CNIH2: variants seen among roughly 807,000 people sequenced by gnomAD.
CNIH2 encodes the protein protein cornichon homolog 2.
CNIH2 carries 8 observed loss-of-function variants against 22.9 expected under a neutral mutation model. That is an observed-to-expected ratio of 0.35 (90% CI 0.20 to 0.63). The LOEUF (loss-of-function observed/expected upper bound fraction) is 0.63, where lower values mean the gene tolerates loss of function less well. Ranked by LOEUF, CNIH2 falls within the 30% of genes least tolerant of loss-of-function variation. The pLI is 0.72. For synonymous variants in CNIH2, 74 were observed against 78.2 expected (o/e 0.95, Z 0.28); for missense variants, 105 against 206.2 (o/e 0.51, Z 3.01).
intron 1 of CNIH2, chr11:66,281,332 T>C (rs562910342): frequency 3.7e-5 from 17 of 454,956 alleles, no homozygotes; most frequent in African/African-American, 3.4e-4. Flanking sequence ...AGCTTCCTCA[T>C]CTGCAAAACA....
At chr11:66,282,623 G>T (rs958829932) in intron 2 of CNIH2, 110 bp from the exon 3 acceptor site, 107 of 1,327,716 alleles carry the variant, frequency 8.1e-5, no homozygotes, top group Non-Finnish European at 1.1e-4. Flanking sequence ...TGCCGACAGT[G>T]CCGCAGAGAT....
chr11:66,283,673 G>A lies in CNIH2; in HGVS notation c.*76G>A, dbSNP rs1857299962. The A allele has an allele frequency of 2.0e-6, 3 of 1,514,368 alleles. No homozygotes were observed. In the South Asian group the frequency reaches 3.6e-5, roughly 18 times the overall value. 93.8% of individuals were successfully genotyped at this position (1,514,368 alleles called of 1,614,324 possible). On this transcript the variant is annotated 3_prime_UTR_variant, in exon 6 of 6. Coordinates refer to ENST00000311445, the MANE Select transcript of CNIH2 (RefSeq NM_182553.3). The stretch of plus-strand genomic sequence containing the variant: ...CCCCCAGCCCTGCCCCTTGGCCGCA[G>A]AGGCCTCAGCCCTGGGGAGGGAGGG...
chr11:66,278,686 C>G (rs1374275462), intron 1 of CNIH2, 149 bp downstream of exon 1: 20 of 429,358 alleles, frequency 4.7e-5, no homozygotes, highest in Non-Finnish European at 6.7e-5. Context: ...CCATTAACAC[C>G]CCCCGTGGTC....
At chr11:66,279,243 C>T (rs927203926) in intron 1 of CNIH2, among the ~76,000 whole-genome samples, 8 of 151,988 alleles carry the variant, frequency 5.3e-5, no homozygotes, top group Non-Finnish European at 1.2e-4. Flanking sequence ...TCGCCCTGGC[C>T]TAGCCTCACA....
At chr11:66,282,906 G>GC in intron 3 of CNIH2, 126 bp downstream of exon 3, 1 of 1,380,468 alleles carries the variant, frequency 7.2e-7, no homozygotes, top group African/African-American at 1.4e-5. Flanking sequence ...GGAGTGGGAA[G>GC]CCAGAGGCCT....
intron 3 of CNIH2, 120 bp downstream of exon 3, chr11:66,282,900 T>C: frequency 7.8e-6 from 11 of 1,407,912 alleles, no homozygotes; most frequent in Non-Finnish European, 9.9e-6. Flanking sequence ...TGGGAGGGAG[T>C]GGGAAGCCAG....
chr11:66,278,458 TG>T lies in CNIH2; in HGVS notation c.4del (p.Ala2?). 7.2e-7 allele frequency: 1 copy of T among 1,380,552 alleles called. No individual in the cohort carries two copies. The highest frequency in any genetic ancestry group is 1.6e-5 in the South Asian group (1 of 63,964). 85.5% of individuals were successfully genotyped at this position (1,380,552 alleles called of 1,614,324 possible). A position where few individuals can be genotyped will look rare whatever the true frequency, so the allele number is the denominator to read the frequency against. On this transcript the variant is annotated frameshift_variant and start_lost, in exon 1 of 6. Coordinates refer to ENST00000311445, the MANE Select transcript of CNIH2 (RefSeq NM_182553.3). LOFTEE classifies it high-confidence loss of function. [M>X]AFTFAAFCYM... ...GGGCCGCCGCCCGGCGCGGGGGCCA[TG>T]GCGTTCACCTTCGCCGCGTTCTGCT...
At chr11:66,282,578 G>A in intron 2 of CNIH2, 155 bp from the exon 3 acceptor site, 1 of 933,192 alleles carries the variant, frequency 1.1e-6, no homozygotes, top group Non-Finnish European at 1.6e-6. Flanking sequence ...CATGGTGACG[G>A]TCGCCATGGG....
rs369236765 is a variant in CNIH2, at chr11:66,282,594, C to T, written c.151-139C>T. Reference sequence around the variant, plus strand: ...ATGGTGACGGTCGCCATGGGGACGGCGCGGCTGCTTCCCGGCCGTGCCGAC... The same window carrying T: ...ATGGTGACGGTCGCCATGGGGACGGTGCGGCTGCTTCCCGGCCGTGCCGAC... On this transcript the variant is annotated intron_variant, in intron 2 of 5. Transcript: ENST00000311445. 15 of 1,046,184 alleles carry T rather than the reference C, an allele frequency of 1.4e-5. 1 individual carries two copies. In the East Asian group the frequency reaches 2.3e-4, roughly 16 times the overall value. 64.8% of individuals were successfully genotyped at this position (1,046,184 alleles called of 1,614,324 possible).
intron 3 of CNIH2, 72 bp from the exon 4 acceptor site, chr11:66,282,963 C>A: frequency 6.9e-7 from 1 of 1,443,446 alleles, no homozygotes; most frequent in East Asian, 2.3e-5. Flanking sequence ...CAAACCCCAG[C>A]TCCTCTCTGT....
In CNIH2 at chr11:66,281,288, C is replaced by T. The variant is rs185326782; in HGVS notation, c.82-971C>T. On this transcript the variant is annotated intron_variant, in intron 1 of 5. Transcript: ENST00000311445. ...ACTGGGTTAGAATCCACTAACCAGCCGTGTGGCCCTGGACAAGTCACTTAA... is the reference window on the plus strand; with the variant it reads ...ACTGGGTTAGAATCCACTAACCAGCTGTGTGGCCCTGGACAAGTCACTTAA... 1.7e-3 allele frequency: 733 copies of T among 435,068 alleles called. 5 individuals are homozygous for T. Among genetic ancestry groups the T allele is most frequent in the African/African-American group, 0.013 (659 of 49,876 alleles). The allele number at this position is 435,068 out of a possible 1,614,324, so 27.0% of individuals were successfully genotyped here. A position where few individuals can be genotyped will look rare whatever the true frequency, so the allele number is the denominator to read the frequency against.
At position 66,284,033 on chromosome 11, in the gene CNIH2, C is replaced by T. The variant is rs1383080459; in HGVS notation, c.*436C>T. The T allele has an allele frequency of 4.9e-6, 1 of 204,834 alleles. No individual in the cohort carries two copies. Among genetic ancestry groups the T allele is most frequent in the Non-Finnish European group, 1.0e-5 (1 of 98,724 alleles). 12.7% of individuals were successfully genotyped at this position (204,834 alleles called of 1,614,324 possible). A position where few individuals can be genotyped will look rare whatever the true frequency, so the allele number is the denominator to read the frequency against. On this transcript the variant is annotated 3_prime_UTR_variant, in exon 6 of 6. Coordinates refer to ENST00000311445, the MANE Select transcript of CNIH2 (RefSeq NM_182553.3). ...ATGAGCAGGCTCAGCAGGGGGGCAG[C>T]CCCACCCCTAGTCTGCCCTCCCCTC...
At position 66,282,291 on chromosome 11, in the gene CNIH2, C is replaced by G. The variant is rs779521652; in HGVS notation, c.114C>G (p.Phe38Leu). 1 of 1,613,808 alleles carries G rather than the reference C, an allele frequency of 6.2e-7. No homozygotes were observed. The highest frequency in any genetic ancestry group is 8.5e-7 in the Non-Finnish European group (1 of 1,180,004). The change falls in exon 2 of 6, where the codon TTC becomes TTG. Residue 38 changes from phenylalanine to leucine, a missense_variant. Coordinates refer to ENST00000311445, the MANE Select transcript of CNIH2 (RefSeq NM_182553.3). ...CCTTTGATGAGCTGCGGACCGACTT[C>G]AAGAACCCCATCGACCAGGGGAACC... Reference protein sequence around the residue: ...IIAFDELRTDFKNPIDQGNPA... With the variant: ...IIAFDELRTDLKNPIDQGNPA...
intron 2 of CNIH2, 58 bp downstream of exon 2, chr11:66,282,385 G>C (rs772696221): frequency 1.3e-5 from 20 of 1,525,006 alleles, no homozygotes; most frequent in African/African-American, 2.7e-5. Flanking sequence ...TCCATCTGTC[G>C]TGGGCTGGGG....
At chr11:66,280,925 A>T (rs1313778296) in intron 1 of CNIH2, among the ~76,000 whole-genome samples, 1 of 152,122 alleles carries the variant, frequency 6.6e-6, no homozygotes, top group Non-Finnish European at 1.5e-5. Flanking sequence ...CTCCTCTGCC[A>T]GCCCATTTCC....
rs1256000194 is a variant in CNIH2 at position 66,278,295 on chromosome 11, C to G, written c.-162C>G. The stretch of plus-strand genomic sequence containing the variant: ...CCCCCGAGCCCACCGGCCCGCGCCC[C>G]GCGCCCCCCACGGCCCCGCGGTCCC... On this transcript the variant is annotated 5_prime_UTR_variant, in exon 1 of 6. Coordinates refer to ENST00000311445, the MANE Select transcript of CNIH2 (RefSeq NM_182553.3). The G allele has an allele frequency of 6.6e-6, 1 of 151,606 alleles. No individual in the cohort carries two copies. Among genetic ancestry groups the G allele is most frequent in the African/African-American group, 2.4e-5 (1 of 40,956 alleles). 9.4% of individuals were successfully genotyped at this position (151,606 alleles called of 1,614,324 possible). A position where few individuals can be genotyped will look rare whatever the true frequency, so the allele number is the denominator to read the frequency against.
rs746081122 is a variant in CNIH2, at chr11:66,282,723, C to T, written c.151-10C>T. The T allele has an allele frequency of 6.2e-6, 10 of 1,613,564 alleles. No homozygotes were observed. Among genetic ancestry groups the T allele is most frequent in the African/African-American group, 1.3e-5 (1 of 74,936 alleles). ...GCCACCCCATCGCGGCCTTTTCCTT[C>T]CCCCAACAGCGCGAGCGTTTAAAAA... On this transcript the variant is annotated splice_polypyrimidine_tract_variant and intron_variant, in intron 2 of 5. Transcript: ENST00000311445.
Position 66,283,023 on chromosome 11 carries a change from T to G in CNIH2, c.199-12T>G, listed in dbSNP as rs776537588. Reference sequence around the variant, plus strand: ...GCACCAGGCCGCTGACCTCTCACCCTCACTCCCCCAGCTGGTGGTCCCAGA... The same window carrying G: ...GCACCAGGCCGCTGACCTCTCACCCGCACTCCCCCAGCTGGTGGTCCCAGA... On this transcript the variant is annotated splice_polypyrimidine_tract_variant and intron_variant, in intron 3 of 5. Transcript: ENST00000311445. 14 of 1,610,064 alleles carry G rather than the reference T, an allele frequency of 8.7e-6. No homozygotes were observed.
At position 66,283,681 on chromosome 11, in the gene CNIH2, A is replaced by G; in HGVS notation, c.*84A>G. 1 of 1,458,396 alleles carries G rather than the reference A, an allele frequency of 6.9e-7. No individual in the cohort carries two copies. The highest frequency in any genetic ancestry group is 9.3e-7 in the Non-Finnish European group (1 of 1,073,656). 90.3% of individuals were successfully genotyped at this position (1,458,396 alleles called of 1,614,324 possible). On this transcript the variant is annotated 3_prime_UTR_variant, in exon 6 of 6. Coordinates refer to ENST00000311445, the MANE Select transcript of CNIH2 (RefSeq NM_182553.3). The stretch of plus-strand genomic sequence containing the variant: ...CCTGCCCCTTGGCCGCAGAGGCCTC[A>G]GCCCTGGGGAGGGAGGGGGCACTGG...
Sources: gnomAD v4.1 joint callset for allele counts (sites outside exome capture counted in the v4.1 genomes callset) on GRCh38, gnomAD v4.1.1 for gene constraint, MANE v1.5 for transcripts, NCBI Gene and HGNC (gene_info 2026-07-23, HGNC 2026-07-21) for gene names.